CASP10: variants seen among roughly 807,000 people sequenced by gnomAD.
The protein encoded by CASP10 is caspase 10.
Under a neutral mutation model 48.5 loss-of-function variants are expected in CASP10, and 41 were observed. The ratio of observed to expected loss-of-function variants is 0.85; its 90% confidence interval spans 0.66 to 1.10. The LOEUF (loss-of-function observed/expected upper bound fraction) is 1.10. CASP10 is among the 50% of genes least tolerant of loss of function. The pLI is 0.00. For missense variants in CASP10, 614 were observed against 614.5 expected (o/e 1.00, Z 0.01); for synonymous variants, 232 against 238.4 (o/e 0.97, Z 0.25).
intron 9 of CASP10, among the ~76,000 whole-genome samples, chr2:201,215,667 T>C (rs1212694594): frequency 1.3e-5 from 2 of 152,198 alleles, no homozygotes; most frequent in Admixed American, 1.3e-4. Context: ...ATTTGTAGTA[T>C]ATTTTGAAGT....
chr2:201,191,767 C>T lies in CASP10; in HGVS notation c.442-1217C>T, dbSNP rs577256303. Among the ~76,000 whole-genome samples the T allele has an allele frequency of 2.0e-4, 30 of 152,288 alleles. No individual in the cohort carries two copies. The South Asian group carries it at 5.8e-3, about 29-fold the overall frequency. On this transcript the variant is annotated intron_variant, in intron 3 of 9. Coordinates refer to ENST00000286186, the MANE Select transcript of CASP10 (RefSeq NM_032977.4). ...TTGATAGCTTTCATAGAAATGTAAG[C>T]AGTATAGCTGGCCTACACATATCCT...
At chr2:201,194,775 GT>G (rs917587896) in intron 4 of CASP10, among the ~76,000 whole-genome samples, 2 of 151,948 alleles carry the variant, frequency 1.3e-5, no homozygotes, top group South Asian at 2.1e-4. Context: ...ACTGAGCTTT[GT>G]TTTTTTTATT....
chr2:201,196,946 G>T (rs1249678465), intron 5 of CASP10, among the ~76,000 whole-genome samples: 1 of 152,030 alleles, frequency 6.6e-6, no homozygotes, highest in Non-Finnish European at 1.5e-5. Flanking sequence ...TTGTTCGTTT[G>T]TGACTAGCTT....
rs1393262833 is a variant in CASP10 at position 201,218,645 on chromosome 2, A to T, written c.*904A>T. On this transcript the variant is annotated 3_prime_UTR_variant, in exon 10 of 10. Transcript: ENST00000286186. ...TAAGGTTCCTTGGTGTTCAAAAACC[A>T]CGTTCTTAGCCTAGATTGAGCTTAG... 2.0e-6 allele frequency: 2 copies of T among 985,438 alleles called. No homozygotes were observed. The highest frequency in any genetic ancestry group is 2.4e-6 in the Non-Finnish European group (2 of 829,992). The allele number at this position is 985,438 out of a possible 1,614,324, so 61.0% of individuals were successfully genotyped here.
intron 4 of CASP10, 55 bp downstream of exon 4, chr2:201,193,174 T>C (rs1375523507): frequency 2.6e-6 from 4 of 1,547,388 alleles, no homozygotes; most frequent in African/African-American, 1.4e-5. Context: ...CTTAAACCAA[T>C]TGGCCATGCA....
chr2:201,184,742 A>G (rs1944353401), intron 1 of CASP10, among the ~76,000 whole-genome samples: 1 of 152,178 alleles, frequency 6.6e-6, no homozygotes, highest in African/African-American at 2.4e-5. Context: ...TTATCACTGC[A>G]TTGCTCCTCT....
At chr2:201,217,358 G>A (rs1045422001) in intron 9 of CASP10, among the ~76,000 whole-genome samples, 3 of 152,122 alleles carry the variant, frequency 2.0e-5, no homozygotes, top group Non-Finnish European at 4.4e-5. Flanking sequence ...CTGAGGTCAG[G>A]GGTTCGAGAC....
At chr2:201,204,818 T>G (rs1288457362) in intron 6 of CASP10, among the ~76,000 whole-genome samples, 1 of 152,218 alleles carries the variant, frequency 6.6e-6, no homozygotes, top group Non-Finnish European at 1.5e-5. Flanking sequence ...TAGACGTGAC[T>G]TCCCGTGGAG....
chr2:201,200,614 A>T (rs907763304), intron 5 of CASP10: 2 of 1,481,432 alleles, frequency 1.4e-6, no homozygotes, highest in Non-Finnish European at 1.8e-6. Context: ...CCTGAACCTC[A>T]TTCGGCAGGT....
Position 201,208,146 on chromosome 2 carries a change from C to G in CASP10, c.885C>G (p.Thr295=). ...TCATTGTCAACAACCACAGCTTTAC[C>G]TCCCTGAAGGACAGACAAGGAACCC... The part of the protein sequence containing the change: ...LCVIVNNHSF[T]SLKDRQGTHK... Residue 295 remains threonine, a synonymous_variant, in exon 8 of 10, where the codon ACC becomes ACG. Transcript: ENST00000286186. The G allele has an allele frequency of 6.2e-7, 1 of 1,614,054 alleles. No individual in the cohort carries two copies. Among genetic ancestry groups the G allele is most frequent in the Non-Finnish European group, 8.5e-7 (1 of 1,179,948 alleles).
At chr2:201,199,659 C>T (rs1466469274) in intron 5 of CASP10, among the ~76,000 whole-genome samples, 1 of 149,332 alleles carries the variant, frequency 6.7e-6, no homozygotes, top group African/African-American at 2.5e-5. Flanking sequence ...ACTATAACCT[C>T]CACCTCCCAG....
At chr2:201,214,143 G>T (rs1200002007) in intron 9 of CASP10, 2 of 152,118 alleles carry the variant, frequency 1.3e-5, no homozygotes, top group African/African-American at 2.4e-5. Flanking sequence ...CATGCTCAGT[G>T]AGCCTAGGAT....
At chr2:201,201,862 C>T (rs1945031223) in intron 5 of CASP10, among the ~76,000 whole-genome samples, 1 of 151,998 alleles carries the variant, frequency 6.6e-6, no homozygotes, top group Non-Finnish European at 1.5e-5. Context: ...AAGGAACTCT[C>T]ATCGAATTTT....
chr2:201,185,626 TCGC>T (rs1944387438), intron 1 of CASP10, 142 bp from the exon 2 acceptor site: 3 of 659,670 alleles, frequency 4.5e-6, no homozygotes, highest in Non-Finnish European at 2.7e-6. Context: ...TGAAGTAGCC[TCGC>T]CGTAATTTTT....
Position 201,219,257 on chromosome 2 carries a change from G to T in CASP10, c.*1516G>T. ...TGCACTCCAGCTTGGGCAACAGGGCGAGACCTTGTTTAAAAAAAAAATTCA... is the reference window on the plus strand; with the variant it reads ...TGCACTCCAGCTTGGGCAACAGGGCTAGACCTTGTTTAAAAAAAAAATTCA... On this transcript the variant is annotated 3_prime_UTR_variant, in exon 10 of 10. Coordinates refer to ENST00000286186, the MANE Select transcript of CASP10 (RefSeq NM_032977.4). 4.5e-6 allele frequency: 1 copy of T among 223,650 alleles called. No homozygotes were observed. Among genetic ancestry groups the T allele is most frequent in the Non-Finnish European group, 7.5e-6 (1 of 133,436 alleles). The allele number at this position is 223,650 out of a possible 1,614,324, so 13.9% of individuals were successfully genotyped here. A position where few individuals can be genotyped will look rare whatever the true frequency, so the allele number is the denominator to read the frequency against.
At chr2:201,198,246 C>T (rs776495341) in intron 5 of CASP10, among the ~76,000 whole-genome samples, 5 of 141,698 alleles carry the variant, frequency 3.5e-5, no homozygotes, top group Non-Finnish European at 3.0e-5. Context: ...TTTTTTGAGA[C>T]GGAGTCTCAC....
At chr2:201,202,706 G>C (rs1330913209) in intron 5 of CASP10, among the ~76,000 whole-genome samples, 4 of 152,214 alleles carry the variant, frequency 2.6e-5, no homozygotes, top group Non-Finnish European at 5.9e-5. Flanking sequence ...TGTTCCTGCA[G>C]AGCTGGGGGA....
chr2:201,188,892 T>C (rs1165711758), intron 3 of CASP10, among the ~76,000 whole-genome samples: 4 of 151,302 alleles, frequency 2.6e-5, no homozygotes, highest in Non-Finnish European at 5.9e-5. Flanking sequence ...TTTTTTGAGA[T>C]GGAGTCTCAC....
intron 8 of CASP10, 185 bp downstream of exon 8, chr2:201,208,368 T>C (rs1945278936): frequency 1.0e-6 from 1 of 985,404 alleles, no homozygotes; most frequent in East Asian, 1.1e-4. Context: ...AATCTTTGAC[T>C]ATTCACAATT....
Sources: gnomAD v4.1 joint callset for allele counts (sites outside exome capture counted in the v4.1 genomes callset) on GRCh38, gnomAD v4.1.1 for gene constraint, MANE v1.5 for transcripts, NCBI Gene and HGNC (gene_info 2026-07-23, HGNC 2026-07-21) for gene names.